EBF1: variants seen among roughly 807,000 people sequenced by gnomAD.
EBF1 encodes the protein EBF transcription factor 1.
EBF1 carries 10 observed loss-of-function variants against 68.4 expected under a neutral mutation model. The ratio of observed to expected loss-of-function variants is 0.15; its 90% CI spans 0.09 to 0.25. The LOEUF is 0.25. Ranked by LOEUF, EBF1 falls within the 10% of genes least tolerant of loss-of-function variation. The probability of loss-of-function intolerance (pLI) is 1.00; values close to 1 mark genes in which losing one functional copy is unlikely to be tolerated. For synonymous variants in EBF1, 298 were observed against 299.8 expected (o/e 0.99, Z 0.06); for missense variants, 509 against 794.4 (o/e 0.64, Z 4.32).
intron 15 of EBF1, among the ~76,000 whole-genome samples, chr5:158,703,982 C>T (rs1757309335): frequency 6.6e-6 from 1 of 152,218 alleles, no homozygotes; most frequent in South Asian, 2.1e-4. Flanking sequence ...TTTTGTAGCC[C>T]TCTTGTGCCT....
chr5:158,789,732 G>C (rs1006259366), intron 9 of EBF1, among the ~76,000 whole-genome samples: 1 of 152,174 alleles, frequency 6.6e-6, no homozygotes, highest in African/African-American at 2.4e-5. Context: ...AAAATGTGGT[G>C]ACTCTACATG....
At chr5:158,907,253 C>T (rs1275388604) in intron 6 of EBF1, among the ~76,000 whole-genome samples, 1 of 152,286 alleles carries the variant, frequency 6.6e-6, no homozygotes, top group East Asian at 1.9e-4. Context: ...GTATTGTGCA[C>T]AGCAATACCA....
chr5:158,963,547 A>T (rs1753487199), intron 6 of EBF1, among the ~76,000 whole-genome samples: 1 of 152,222 alleles, frequency 6.6e-6, no homozygotes, highest in South Asian at 2.1e-4. Flanking sequence ...CACACAAAAC[A>T]TATCACAAAG....
intron 5 of EBF1, among the ~76,000 whole-genome samples, chr5:159,077,994 C>A (rs1468141144): frequency 1.3e-5 from 2 of 152,046 alleles, no homozygotes; most frequent in Non-Finnish European, 2.9e-5. Context: ...CCCAGCTCGA[C>A]CTCCCAAAGT....
intron 6 of EBF1, among the ~76,000 whole-genome samples, chr5:158,920,131 A>G: frequency 6.6e-6 from 1 of 152,116 alleles, no homozygotes; most frequent in East Asian, 1.9e-4. Flanking sequence ...TGTATTCCAA[A>G]AAAGGTGCTC....
intron 6 of EBF1, among the ~76,000 whole-genome samples, chr5:158,922,742 G>A (rs1225978711): frequency 1.3e-5 from 2 of 152,170 alleles, no homozygotes; most frequent in Non-Finnish European, 2.9e-5. Context: ...TATGTTTAAT[G>A]TGCATTTTTT....
At chr5:159,048,967 G>C (rs1772991685) in intron 6 of EBF1, among the ~76,000 whole-genome samples, 1 of 152,194 alleles carries the variant, frequency 6.6e-6, no homozygotes, top group African/African-American at 2.4e-5. Context: ...TAAAAATCCA[G>C]CTTCTTCACA....
intron 10 of EBF1, among the ~76,000 whole-genome samples, chr5:158,767,582 A>G (rs566708451): frequency 6.8e-6 from 1 of 147,622 alleles, no homozygotes; most frequent in East Asian, 2.2e-4. Context: ...TAGGCTAATA[A>G]TAGGGCTTGT....
chr5:158,922,542 A>T (rs566514091), intron 6 of EBF1, among the ~76,000 whole-genome samples: 1 of 152,358 alleles, frequency 6.6e-6, no homozygotes, highest in African/African-American at 2.4e-5. Flanking sequence ...TCACTCTAGA[A>T]ATTAGCACAT....
At chr5:158,965,226 C>T (rs1404094803) in intron 6 of EBF1, among the ~76,000 whole-genome samples, 1 of 152,178 alleles carries the variant, frequency 6.6e-6, no homozygotes, top group African/African-American at 2.4e-5. Flanking sequence ...GGTTTTCTAA[C>T]TGTGTGGCCA....
At chr5:158,717,560 G>A (rs927844861) in intron 11 of EBF1, among the ~76,000 whole-genome samples, 1 of 151,688 alleles carries the variant, frequency 6.6e-6, no homozygotes, top group South Asian at 2.1e-4. Flanking sequence ...TGTTTAAAAC[G>A]TCTCCCTGCT....
At chr5:158,700,253 G>A (rs1333141376) in intron 15 of EBF1, among the ~76,000 whole-genome samples, 2 of 152,250 alleles carry the variant, frequency 1.3e-5, no homozygotes, top group African/African-American at 2.4e-5. Context: ...TGATTGCTGG[G>A]AAGAATAAAA....
chr5:158,887,583 ATG>A (rs1800304700), intron 6 of EBF1, among the ~76,000 whole-genome samples: 1 of 152,206 alleles, frequency 6.6e-6, no homozygotes, highest in South Asian at 2.1e-4. Context: ...ATTAAATAAA[ATG>A]TATACATTTT....
At chr5:158,769,450 C>G (rs1363400807) in intron 10 of EBF1, among the ~76,000 whole-genome samples, 2 of 152,094 alleles carry the variant, frequency 1.3e-5, no homozygotes, top group Admixed American at 1.3e-4. Flanking sequence ...TGATTACACT[C>G]CACTCCAAAT....
At chr5:158,719,085 G>A (rs887378814) in intron 11 of EBF1, among the ~76,000 whole-genome samples, 9 of 152,088 alleles carry the variant, frequency 5.9e-5, no homozygotes, top group Non-Finnish European at 1.5e-5. Context: ...GTCATATTTG[G>A]CATGGTTTAT....
intron 6 of EBF1, among the ~76,000 whole-genome samples, chr5:158,891,329 T>A (rs1032139795): frequency 6.6e-6 from 1 of 152,160 alleles, no homozygotes; most frequent in African/African-American, 2.4e-5. Context: ...CAGTGGGAAC[T>A]GTGTCCCTGT....
intron 6 of EBF1, among the ~76,000 whole-genome samples, chr5:158,891,112 C>T (rs542783180): frequency 4.6e-5 from 7 of 152,302 alleles, no homozygotes; most frequent in East Asian, 1.9e-4. Flanking sequence ...CGATTTCCCA[C>T]GGTACATAAT....
chr5:158,747,332 C>CTAT (rs1405219852), intron 10 of EBF1, among the ~76,000 whole-genome samples: 2 of 152,056 alleles, frequency 1.3e-5, no homozygotes, highest in African/African-American at 4.8e-5. Flanking sequence ...CTTTGGATAC[C>CTAT]CCAAAAGGTA....
At chr5:158,958,960 T>C (rs1165376322) in intron 6 of EBF1, among the ~76,000 whole-genome samples, 3 of 152,230 alleles carry the variant, frequency 2.0e-5, no homozygotes, top group Non-Finnish European at 2.9e-5. Context: ...CGCACATTAC[T>C]CAAGTTGTCC....
Sources: allele counts gnomAD v4.1 joint callset (sites outside exome capture counted in the v4.1 genomes callset), GRCh38; gene constraint gnomAD v4.1.1; transcripts MANE v1.5; gene names NCBI Gene and HGNC (gene_info 2026-07-23, HGNC 2026-07-21).